The following CALN1 variants were observed in gnomAD, a reference collection of about 807,000 sequenced individuals.
CALN1 encodes calcium-binding protein 8.
CALN1 carries 17 observed loss-of-function variants against 30.6 expected under a neutral mutation model. The observed-to-expected ratio is 0.56, with a 90% CI of 0.38 to 0.83. CALN1 has a LOEUF of 0.83. Among genes scored for constraint, CALN1 ranks in the 40% least tolerant of loss-of-function variants. The probability of loss-of-function intolerance (pLI) is 0.00; values close to 1 mark genes in which losing one functional copy is unlikely to be tolerated. For synonymous variants in CALN1, 156 were observed against 131.4 expected (o/e 1.19, Z -1.28); for missense variants, 291 against 354.9 (o/e 0.82, Z 1.45).
intron 2 of CALN1, among the ~76,000 whole-genome samples, chr7:72,373,157 A>C (rs977915020): frequency 1.3e-5 from 2 of 152,322 alleles, no homozygotes; most frequent in Non-Finnish European, 1.5e-5. Flanking sequence ...AACCGAAGAA[A>C]GAGCCAGAGA....
chr7:72,244,855 CAG>C (rs1262621764), intron 3 of CALN1, among the ~76,000 whole-genome samples: 3 of 152,088 alleles, frequency 2.0e-5, no homozygotes, highest in Non-Finnish European at 4.4e-5. Context: ...TGCTCAACTT[CAG>C]AGAGAGAGGA....
intron 4 of CALN1, among the ~76,000 whole-genome samples, chr7:72,080,325 C>T (rs1272826135): frequency 6.6e-6 from 1 of 152,180 alleles, no homozygotes; most frequent in African/African-American, 2.4e-5. Flanking sequence ...GTTCTCCTGC[C>T]TCCTCACTCC....
chr7:71,860,239 T>A (rs1584390050), intron 5 of CALN1, among the ~76,000 whole-genome samples: 1 of 151,320 alleles, frequency 6.6e-6, no homozygotes, highest in African/African-American at 2.4e-5. Flanking sequence ...GTCACCCAGG[T>A]TGGAGTGCAG....
intron 3 of CALN1, among the ~76,000 whole-genome samples, chr7:72,167,756 G>C (rs1265051909): frequency 6.6e-6 from 1 of 152,156 alleles, no homozygotes; most frequent in Non-Finnish European, 1.5e-5. Flanking sequence ...AAAATTATTT[G>C]TAGGATGCAC....
At chr7:72,404,088 G>A (rs772872497) in intron 1 of CALN1, among the ~76,000 whole-genome samples, 35 of 152,096 alleles carry the variant, frequency 2.3e-4, no homozygotes, top group Non-Finnish European at 4.7e-4. Context: ...ACCTCTCTCT[G>A]GTATCGTTAC....
At chr7:71,792,482 G>A (rs1584224958) in intron 6 of CALN1, among the ~76,000 whole-genome samples, 1 of 152,174 alleles carries the variant, frequency 6.6e-6, no homozygotes, top group Admixed American at 6.5e-5. Context: ...CCACCTTTTG[G>A]CTACTACAAA....
Position 72,141,704 on chromosome 7 carries a change from G to A in CALN1, c.245-35410C>T, listed in dbSNP as rs189675502. Among the ~76,000 whole-genome samples the A allele has an allele frequency of 2.0e-3, 299 of 152,158 alleles. 2 individuals are homozygous for A. The highest frequency in any genetic ancestry group is 6.8e-3 in the Middle Eastern group (2 of 294). ...CTGCTTCAGCCTCCTGAGGAGCTAG[G>A]ATTACAGGCATGCATCACCATGCCT... is the stretch of plus-strand genomic sequence containing the variant. On this transcript the variant is annotated intron_variant, in intron 3 of 6. Coordinates refer to ENST00000395275, the MANE Select transcript of CALN1 (RefSeq NM_031468.4).
chr7:72,141,182 C>T (rs1444425016), intron 3 of CALN1, among the ~76,000 whole-genome samples: 3 of 152,038 alleles, frequency 2.0e-5, no homozygotes, highest in Non-Finnish European at 4.4e-5. Flanking sequence ...CCTGTAATTC[C>T]AGAAATTTGG....
chr7:72,204,225 G>T (rs1450456241), intron 3 of CALN1, among the ~76,000 whole-genome samples: 1 of 149,990 alleles, frequency 6.7e-6, no homozygotes, highest in African/African-American at 2.5e-5. Context: ...TCCATCTCCT[G>T]ACCTCGTGAT....
At chr7:72,078,000 T>C (rs777715191) in intron 4 of CALN1, among the ~76,000 whole-genome samples, 1 of 152,170 alleles carries the variant, frequency 6.6e-6, no homozygotes, top group Non-Finnish European at 1.5e-5. Context: ...GAAGTTGTGC[T>C]AGGCCCACAG....
At chr7:72,061,801 A>G (rs1352328703) in intron 4 of CALN1, among the ~76,000 whole-genome samples, 3 of 149,242 alleles carry the variant, frequency 2.0e-5, no homozygotes, top group Admixed American at 6.7e-5. Flanking sequence ...TGTCTCAAAA[A>G]AAAAAAAAAA....
intron 1 of CALN1, among the ~76,000 whole-genome samples, chr7:72,420,841 G>A (rs1320478668): frequency 1.3e-5 from 2 of 151,794 alleles, no homozygotes; most frequent in African/African-American, 2.4e-5. Flanking sequence ...GGATGGTCTC[G>A]ATCTCCTAGT....
chr7:71,784,714 T>C lies in CALN1; in HGVS notation c.*3061A>G, dbSNP rs879486184. The C allele has an allele frequency of 7.5e-6, 3 of 398,050 alleles. No homozygotes were observed. The highest frequency in any genetic ancestry group is 2.1e-5 in the African/African-American group (1 of 48,604). The allele number at this position is 398,050 out of a possible 1,614,324, so 24.7% of individuals were successfully genotyped here. On this transcript the variant is annotated 3_prime_UTR_variant, in exon 7 of 7. Coordinates refer to ENST00000395275, the MANE Select transcript of CALN1 (RefSeq NM_031468.4). ...TGTCAATCACTCAGCCTCCACACAG[T>C]TGGGCAGCCAAGGTCACTGGTTCCT...
At chr7:72,335,381 A>G (rs1338406742) in intron 2 of CALN1, among the ~76,000 whole-genome samples, 1 of 152,244 alleles carries the variant, frequency 6.6e-6, no homozygotes, top group Admixed American at 6.5e-5. Flanking sequence ...CTAGGAGCTC[A>G]TGAGTTCTAT....
chr7:72,252,619 AAAG>A (rs992239232), intron 3 of CALN1, among the ~76,000 whole-genome samples: 5 of 151,118 alleles, frequency 3.3e-5, no homozygotes, highest in African/African-American at 1.2e-4. Flanking sequence ...AAAAAAAAAA[AAAG>A]AAAGACAGAG....
rs1792843909 is a variant in CALN1, at chr7:71,783,780, T to G, written c.*3995A>C. 6.5e-6 allele frequency: 1 copy of G among 152,682 alleles called. No homozygotes were observed. Among genetic ancestry groups the G allele is most frequent in the African/African-American group, 2.4e-5 (1 of 41,468 alleles). The allele number at this position is 152,682 out of a possible 1,614,324, so 9.5% of individuals were successfully genotyped here. ...TCTGAAACATATCGCTTTATGATTCTATGAATGGGAAGTTGGGAGGGGCAT... is the reference window on the plus strand; with the variant it reads ...TCTGAAACATATCGCTTTATGATTCGATGAATGGGAAGTTGGGAGGGGCAT... On this transcript the variant is annotated 3_prime_UTR_variant, in exon 7 of 7. Coordinates refer to ENST00000395275, the MANE Select transcript of CALN1 (RefSeq NM_031468.4).
At chr7:72,296,399 CCT>C (rs1243296471) in intron 2 of CALN1, among the ~76,000 whole-genome samples, 3 of 145,006 alleles carry the variant, frequency 2.1e-5, no homozygotes, top group African/African-American at 7.6e-5. Context: ...GGGAGGATTC[CCT>C]CTTTTTCTAT....
At chr7:71,834,348 T>TA (rs60091117) in intron 5 of CALN1, among the ~76,000 whole-genome samples, 3,693 of 89,770 alleles carry the variant, frequency 0.041, 235 homozygotes, top group African/African-American at 0.091. Flanking sequence ...CGATCCACCC[T>TA]AAAAAAAAAA....
chr7:72,364,147 A>G (rs1260008740), intron 2 of CALN1, among the ~76,000 whole-genome samples: 1 of 152,198 alleles, frequency 6.6e-6, no homozygotes, highest in African/African-American at 2.4e-5. Context: ...ACAAAAGAAA[A>G]CTTCAGTAGA....
Sources: allele counts gnomAD v4.1 joint callset (sites outside exome capture counted in the v4.1 genomes callset), GRCh38; gene constraint gnomAD v4.1.1; transcripts MANE v1.5; gene names NCBI Gene and HGNC (gene_info 2026-07-23, HGNC 2026-07-21).